The following F2R variants were observed in gnomAD, a reference collection of about 807,000 sequenced individuals.
F2R encodes the protein proteinase-activated receptor 1.
A neutral mutation model predicts 18.3 loss-of-function variants in F2R; 12 were observed. The observed-to-expected ratio is 0.66, with a 90% CI of 0.42 to 1.06. The LOEUF is 1.06. F2R is among the 50% of genes least tolerant of loss of function. F2R has a pLI of 0.00. For synonymous variants in F2R, 210 were observed against 219.9 expected (o/e 0.95, Z 0.40); for missense variants, 438 against 530.8 (o/e 0.83, Z 1.72).
chr5:76,723,318 C>G (rs965285608), intron 1 of F2R, among the ~76,000 whole-genome samples: 2 of 152,202 alleles, frequency 1.3e-5, no homozygotes, highest in African/African-American at 4.8e-5. Flanking sequence ...GGTCATGAAT[C>G]ACAAGTTTTT....
intron 1 of F2R, among the ~76,000 whole-genome samples, chr5:76,723,791 A>G (rs2150581226): frequency 6.6e-6 from 1 of 152,282 alleles, no homozygotes; most frequent in East Asian, 1.9e-4. Flanking sequence ...AACTTTTATT[A>G]TGGGATTTTT....
At chr5:76,718,149 G>C (rs1380583675) in intron 1 of F2R, among the ~76,000 whole-genome samples, 1 of 152,126 alleles carries the variant, frequency 6.6e-6, no homozygotes, top group Non-Finnish European at 1.5e-5. Flanking sequence ...GTTAAGGTGG[G>C]TATTTATCCC....
intron 1 of F2R, among the ~76,000 whole-genome samples, chr5:76,729,941 C>T (rs1002944213): frequency 6.6e-6 from 1 of 152,190 alleles, no homozygotes; most frequent in African/African-American, 2.4e-5. Flanking sequence ...TGCACAAGCT[C>T]TCTCTTTGCC....
chr5:76,718,553 C>CT (rs1748385184), intron 1 of F2R, among the ~76,000 whole-genome samples: 1 of 152,222 alleles, frequency 6.6e-6, no homozygotes, highest in African/African-American at 2.4e-5. Flanking sequence ...CACTTCCCGA[C>CT]TTTTTGTTCC....
In F2R at chr5:76,733,378, A is replaced by G. The variant is rs992342306; in HGVS notation, c.1153A>G (p.Ile385Val). Residue 385 changes from isoleucine to valine, a missense_variant, in exon 2 of 2, where the codon ATC becomes GTC. Transcript: ENST00000319211. ...TGAGTGCCAGAGGTACGTCTACAGTATCTTATGCTGCAAAGAAAGTTCCGA... is the reference window on the plus strand; with the variant it reads ...TGAGTGCCAGAGGTACGTCTACAGTGTCTTATGCTGCAAAGAAAGTTCCGA... ...SSECQRYVYS[I>V]LCCKESSDPS... 1.5e-5 allele frequency: 24 copies of G among 1,614,206 alleles called. 1 individual carries two copies. The East Asian group carries it at 4.9e-4, about 33-fold the overall frequency.
rs111993668 is a variant in F2R, at chr5:76,733,271, C to T, written c.1046C>T (p.Ala349Val). The change falls in exon 2 of 2, where the codon GCC (alanine) becomes GTC (valine). Residue 349 changes from alanine (A) to valine (V), a missense_variant. Physicochemically the swap from Ala to Val is moderately conservative, Grantham distance 64. Transcript: ENST00000319211. ...TCTCACACTTCCACCACAGAGGCTG[C>T]CTACTTTGCCTACCTCCTCTGTGTC... ...FLSHTSTTEAAYFAYLLCVCV... is the reference protein window; with the variant it reads ...FLSHTSTTEAVYFAYLLCVCV... 4.3e-6 allele frequency: 7 copies of T among 1,614,066 alleles called. No homozygotes were observed. The African/African-American group carries it at 5.3e-5, about 12-fold the overall frequency.
At chr5:76,729,697 G>T (rs1249258825) in intron 1 of F2R, among the ~76,000 whole-genome samples, 1 of 152,148 alleles carries the variant, frequency 6.6e-6, no homozygotes, top group Non-Finnish European at 1.5e-5. Context: ...GAGAGAAGGG[G>T]GACAAGACGT....
intron 1 of F2R, among the ~76,000 whole-genome samples, chr5:76,721,003 T>TA (rs1156733863): frequency 6.6e-6 from 1 of 152,184 alleles, no homozygotes; most frequent in African/African-American, 2.4e-5. Context: ...GACGAGATTT[T>TA]ATCACACTGC....
At position 76,728,882 on chromosome 5, in the gene F2R, G is replaced by A. The variant is rs144410385; in HGVS notation, c.89-3432G>A. On this transcript the variant is annotated intron_variant, in intron 1 of 1. Transcript: ENST00000319211. ...ATTTTTGTAATTTTAGTAGAGACAGGGTTTTGCCATGTTGGCCAGGCTGGT... is the reference window on the plus strand; with the variant it reads ...ATTTTTGTAATTTTAGTAGAGACAGAGTTTTGCCATGTTGGCCAGGCTGGT... 5.6e-3 allele frequency among the ~76,000 whole-genome samples: 858 copies of A among 152,070 alleles called. 16 individuals are homozygous for A. The highest frequency in any genetic ancestry group is 0.034 in the Admixed American group (526 of 15,260).
intron 1 of F2R, among the ~76,000 whole-genome samples, chr5:76,721,910 G>A (rs958203659): frequency 6.6e-6 from 1 of 151,782 alleles, no homozygotes; most frequent in African/African-American, 2.4e-5. Context: ...AATGCTTATT[G>A]CAATCTTGTG....
intron 1 of F2R, among the ~76,000 whole-genome samples, chr5:76,725,225 C>T (rs558197288): frequency 3.2e-4 from 48 of 152,290 alleles, no homozygotes; most frequent in African/African-American, 1.1e-3. Flanking sequence ...AGTCAGAAAA[C>T]GTGTTGCCTA....
rs1748726312 is a variant in F2R, at chr5:76,733,595, ACCT to A, written c.*96_*98del. ...GTCCCCACCCAAACTTTATTGATTCACCTCCTAAAACAACAGATGTACGACTTG... is the reference window on the plus strand; with the variant it reads ...GTCCCCACCCAAACTTTATTGATTCACCTAAAACAACAGATGTACGACTTG... On this transcript the variant is annotated 3_prime_UTR_variant, in exon 2 of 2. Coordinates refer to ENST00000319211, the MANE Select transcript of F2R (RefSeq NM_001992.5). 1.0e-6 allele frequency: 1 copy of A among 975,900 alleles called. No homozygotes were observed. Among genetic ancestry groups the A allele is most frequent in the African/African-American group, 1.7e-5 (1 of 60,494 alleles). 60.5% of individuals were successfully genotyped at this position (975,900 alleles called of 1,614,324 possible).
chr5:76,729,419 C>T (rs2227790), intron 1 of F2R, among the ~76,000 whole-genome samples: 6,646 of 152,222 alleles, frequency 0.044, 411 homozygotes, highest in African/African-American at 0.14. Context: ...CTTTATCAGA[C>T]GTATGGTTTG....
intron 1 of F2R, chr5:76,716,876 G>T: frequency 2.0e-6 from 1 of 507,498 alleles, no homozygotes; most frequent in Non-Finnish European, 3.5e-6. Flanking sequence ...GTAGAGAAAA[G>T]CCCAGGCAGT....
At position 76,735,612 on chromosome 5, in the gene F2R, A is replaced by G. The variant is rs796440284; in HGVS notation, c.*2109A>G. 23 of 152,342 alleles carry G rather than the reference A, an allele frequency of 1.5e-4. No homozygotes were observed. The highest frequency in any genetic ancestry group is 5.5e-4 in the African/African-American group (23 of 41,586). 9.4% of individuals were successfully genotyped at this position (152,342 alleles called of 1,614,324 possible). A position where few individuals can be genotyped will look rare whatever the true frequency, so the allele number is the denominator to read the frequency against. ...GGTTTTATTAATTTAGTGACTATTC[A>G]TTTTATCTAAATCAGTGAAGATTTA... On this transcript the variant is annotated 3_prime_UTR_variant, in exon 2 of 2. Coordinates refer to ENST00000319211, the MANE Select transcript of F2R (RefSeq NM_001992.5).
intron 1 of F2R, among the ~76,000 whole-genome samples, chr5:76,724,000 C>T (rs1748513367): frequency 6.6e-6 from 1 of 152,166 alleles, no homozygotes; most frequent in Non-Finnish European, 1.5e-5. Flanking sequence ...GAGATTAGAA[C>T]TCTTTTTTCC....
intron 1 of F2R, among the ~76,000 whole-genome samples, chr5:76,721,143 C>T (rs1748446333): frequency 3.3e-5 from 5 of 152,174 alleles, no homozygotes; most frequent in Admixed American, 3.3e-4. Context: ...GCTCCCCTTC[C>T]ATTGCGGATA....
At chr5:76,725,354 A>G (rs940709491) in intron 1 of F2R, among the ~76,000 whole-genome samples, 1 of 152,226 alleles carries the variant, frequency 6.6e-6, no homozygotes, top group Non-Finnish European at 1.5e-5. Flanking sequence ...AAATTAAGTG[A>G]AACTTAGCAA....
chr5:76,730,572 TCTC>T (rs1748651792), intron 1 of F2R, among the ~76,000 whole-genome samples: 1 of 152,108 alleles, frequency 6.6e-6, no homozygotes, highest in Non-Finnish European at 1.5e-5. Flanking sequence ...AGCAACCAAT[TCTC>T]CTGCAGATTC....
Sources: allele counts gnomAD v4.1 joint callset (sites outside exome capture counted in the v4.1 genomes callset), GRCh38; gene constraint gnomAD v4.1.1; transcripts MANE v1.5; gene names NCBI Gene and HGNC (gene_info 2026-07-23, HGNC 2026-07-21).